The following FRRS1 variants were observed in gnomAD, a reference collection of about 807,000 sequenced individuals.
FRRS1 encodes ferric chelate reductase 1, also known as ferric reductase 1.
FRRS1 carries 51 observed loss-of-function variants against 70.7 expected under a neutral mutation model. The ratio of observed to expected loss-of-function variants is 0.72; its 90% CI spans 0.58 to 0.91. The LOEUF (loss-of-function observed/expected upper bound fraction) is 0.91. Ranked by LOEUF, FRRS1 falls within the 40% of genes least tolerant of loss-of-function variation. The pLI, the probability that FRRS1 is intolerant of heterozygous loss-of-function variation, is 0.00. For synonymous variants in FRRS1, 225 were observed against 238.7 expected, an observed-to-expected ratio of 0.94 and a Z score of 0.53; for missense variants, 672 against 726.0, an observed-to-expected ratio of 0.93 and a Z score of 0.86.
At chr1:99,757,688 GT>G (rs767404994) in intron 1 of FRRS1, among the ~76,000 whole-genome samples, 8 of 151,992 alleles carry the variant, frequency 5.3e-5, no homozygotes, top group Non-Finnish European at 1.2e-4. Context: ...ATTCTACAAT[GT>G]TTAAGGTAAA....
intron 3 of FRRS1, 95 bp from the exon 4 acceptor site, chr1:99,747,525 A>G: frequency 1.8e-6 from 2 of 1,099,408 alleles, no homozygotes; most frequent in Non-Finnish European, 2.6e-6. Flanking sequence ...AGGTCTACAT[A>G]TGCAAAAGTA....
intron 9 of FRRS1, among the ~76,000 whole-genome samples, chr1:99,724,001 G>A (rs1654959749): frequency 6.6e-6 from 1 of 152,132 alleles, no homozygotes; most frequent in East Asian, 1.9e-4. Context: ...GACAAGAAAG[G>A]CACTGGGAAA....
chr1:99,729,066 GCA>G (rs1216536075), intron 8 of FRRS1, among the ~76,000 whole-genome samples: 1 of 152,212 alleles, frequency 6.6e-6, no homozygotes, highest in Non-Finnish European at 1.5e-5. Flanking sequence ...GGAAGGCTGT[GCA>G]CAGTTATGTC....
rs978730414 is a variant in FRRS1, at chr1:99,748,979, C to A, written c.-83G>T. 4 of 443,152 alleles carry A rather than the reference C, an allele frequency of 9.0e-6. No individual in the cohort carries two copies. Among genetic ancestry groups the A allele is most frequent in the Non-Finnish European group, 1.2e-5 (3 of 251,222 alleles). The allele number at this position is 443,152 out of a possible 1,614,324, so 27.5% of individuals were successfully genotyped here. On this transcript the variant is annotated 5_prime_UTR_variant, in exon 2 of 17. It removes an upstream start codon present in the reference 5' UTR. Coordinates refer to ENST00000646001, the MANE Select transcript of FRRS1 (RefSeq NM_001361041.2). ...AATTACTGTGAGACTTTGGGCAAAT[C>A]ATTTAATCCTCCACTTCCTTACCTG... is the stretch of plus-strand genomic sequence containing the variant.
intron 1 of FRRS1, among the ~76,000 whole-genome samples, chr1:99,751,450 T>C (rs943476688): frequency 3.3e-5 from 5 of 152,104 alleles, no homozygotes; most frequent in Non-Finnish European, 4.4e-5. Flanking sequence ...AAAACCCTGA[T>C]TAATATGGCA....
intron 4 of FRRS1, among the ~76,000 whole-genome samples, chr1:99,742,925 G>GT (rs1379584787): frequency 6.6e-6 from 1 of 152,108 alleles, no homozygotes; most frequent in African/African-American, 2.4e-5. Context: ...AGGAGCAAGA[G>GT]TAAGTCTTGT....
At chr1:99,728,672 C>CT (rs1655190498) in intron 8 of FRRS1, 32 bp from the exon 9 acceptor site, 1 of 1,594,216 alleles carries the variant, frequency 6.3e-7, no homozygotes, top group Non-Finnish European at 8.6e-7. Context: ...CTTCTCAGCA[C>CT]TTTCCAAAGA....
Position 99,704,736 on chromosome 1 carries a change from G to A in FRRS1, c.*4292C>T, listed in dbSNP as rs1416080742. On this transcript the variant is annotated 3_prime_UTR_variant, in exon 17 of 17. Coordinates refer to ENST00000646001, the MANE Select transcript of FRRS1 (RefSeq NM_001361041.2). ...CTGGACAGCGAGAGGATGTGGATGGGAGCACGCCAGAGGAAGAGCACACGA... is the reference window on the plus strand; with the variant it reads ...CTGGACAGCGAGAGGATGTGGATGGAAGCACGCCAGAGGAAGAGCACACGA... Among the ~76,000 whole-genome samples the A allele has an allele frequency of 6.6e-6, 1 of 152,164 alleles. No individual in the cohort carries two copies. The highest frequency in any genetic ancestry group is 1.9e-4 in the East Asian group (1 of 5,174).
chr1:99,734,842 A>G (rs968793063), intron 7 of FRRS1, among the ~76,000 whole-genome samples: 6 of 152,208 alleles, frequency 3.9e-5, no homozygotes, highest in Admixed American at 2.6e-4. Flanking sequence ...AGGAACACAC[A>G]TCTGGACGAG....
intron 7 of FRRS1, among the ~76,000 whole-genome samples, chr1:99,730,641 G>A (rs1176879573): frequency 6.6e-6 from 1 of 152,142 alleles, no homozygotes; most frequent in Non-Finnish European, 1.5e-5. Flanking sequence ...GCCAAGGCGG[G>A]CAGATCACGA....
chr1:99,737,857 C>T (rs1655748370), intron 7 of FRRS1, among the ~76,000 whole-genome samples: 1 of 152,186 alleles, frequency 6.6e-6, no homozygotes, highest in African/African-American at 2.4e-5. Context: ...ATTCTCCTGC[C>T]TCAGCCTCCC....
At chr1:99,757,392 A>C (rs1656890390) in intron 1 of FRRS1, among the ~76,000 whole-genome samples, 2 of 152,202 alleles carry the variant, frequency 1.3e-5, no homozygotes, top group Admixed American at 1.3e-4. Context: ...ATTTCAGTAA[A>C]AAAGAAAAGT....
intron 15 of FRRS1, 27 bp downstream of exon 15, chr1:99,710,779 C>A (rs917911673): frequency 6.2e-7 from 1 of 1,603,552 alleles, no homozygotes; most frequent in Non-Finnish European, 8.5e-7. Context: ...AGTGCTTCTA[C>A]ATAACATGGC....
At position 99,706,391 on chromosome 1, in the gene FRRS1, A is replaced by C. The variant is rs957824399; in HGVS notation, c.*2637T>G. On this transcript the variant is annotated 3_prime_UTR_variant, in exon 17 of 17. Coordinates refer to ENST00000646001, the MANE Select transcript of FRRS1 (RefSeq NM_001361041.2). Reference sequence around the variant, plus strand: ...ACCACTGCACTCCAGCCTGGGCAACAGAGTAAGACCCTGTCTCAAAAAAAA... The same window carrying C: ...ACCACTGCACTCCAGCCTGGGCAACCGAGTAAGACCCTGTCTCAAAAAAAA... Among the ~76,000 whole-genome samples the C allele has an allele frequency of 1.3e-5, 2 of 150,508 alleles. No homozygotes were observed. The highest frequency in any genetic ancestry group is 3.0e-5 in the Non-Finnish European group (2 of 67,790).
At chr1:99,725,384 C>T (rs549365051) in intron 9 of FRRS1, among the ~76,000 whole-genome samples, 17 of 152,302 alleles carry the variant, frequency 1.1e-4, no homozygotes, top group Non-Finnish European at 2.2e-4. Flanking sequence ...TGTATCCCCT[C>T]GACTGCCTTG....
rs1654041641 is a variant in FRRS1 at position 99,706,499 on chromosome 1, G to A, written c.*2529C>T. Reference sequence around the variant, plus strand: ...GACCAAAATAGTGCCAACATATGAAGCACTGAAAAAGAAAAAGTTAAAATA... The same window carrying A: ...GACCAAAATAGTGCCAACATATGAAACACTGAAAAAGAAAAAGTTAAAATA... On this transcript the variant is annotated 3_prime_UTR_variant, in exon 17 of 17. Transcript: ENST00000646001. Among the ~76,000 whole-genome samples, 1 of 151,788 alleles carries A rather than the reference G, an allele frequency of 6.6e-6. No homozygotes were observed.
chr1:99,743,810 A>G (rs918565458), intron 4 of FRRS1, among the ~76,000 whole-genome samples: 2 of 152,112 alleles, frequency 1.3e-5, no homozygotes, highest in African/African-American at 4.8e-5. Context: ...TCAGCCTCCC[A>G]AAGTACTGGG....
chr1:99,736,363 G>C (rs1424707828), intron 7 of FRRS1, among the ~76,000 whole-genome samples: 2 of 152,038 alleles, frequency 1.3e-5, no homozygotes, highest in Non-Finnish European at 2.9e-5. Flanking sequence ...ATTTTTTTAA[G>C]TACATGGTAT....
intron 13 of FRRS1, 79 bp downstream of exon 13, chr1:99,712,339 T>C (rs1000151011): frequency 1.8e-6 from 2 of 1,138,630 alleles, no homozygotes; most frequent in East Asian, 2.4e-5. Context: ...TGCAAAATTT[T>C]TCCATTTGAA....
Sources: gnomAD v4.1 joint callset for allele counts (sites outside exome capture counted in the v4.1 genomes callset) on GRCh38, gnomAD v4.1.1 for gene constraint, MANE v1.5 for transcripts, NCBI Gene and HGNC (gene_info 2026-07-23, HGNC 2026-07-21) for gene names.